XKR9: variants seen among roughly 807,000 people sequenced by gnomAD.
XKR9 encodes the protein XK-related protein 9.
A neutral mutation model predicts 32.0 loss-of-function variants in XKR9; 32 were observed. That is an observed-to-expected ratio of 1.00 (90% CI 0.76 to 1.34). XKR9 has a LOEUF of 1.34. XKR9 is among the 40% of genes most tolerant of loss of function. XKR9 has a pLI of 0.00. For missense variants in XKR9, 546 were observed against 429.7 expected (o/e 1.27, Z -2.39); for synonymous variants, 168 against 143.4 (o/e 1.17, Z -1.22).
At chr8:70,771,651 T>C (rs758846132) in intron 2 of XKR9, among the ~76,000 whole-genome samples, 1 of 152,194 alleles carries the variant, frequency 6.6e-6, no homozygotes, top group Non-Finnish European at 1.5e-5. Flanking sequence ...TGACATTAAT[T>C]GAAGATTGGG....
chr8:70,871,677 C>A, the XKR9 span, among the ~76,000 whole-genome samples: 1 of 152,084 alleles, frequency 6.6e-6, no homozygotes, highest in Non-Finnish European at 1.5e-5. Flanking sequence ...TTCCTGTTCC[C>A]TGAGACACAA....
chr8:70,681,426 CCCT>C, intron 3 of XKR9, 96 bp downstream of exon 3: 1 of 1,407,216 alleles, frequency 7.1e-7, no homozygotes, highest in Non-Finnish European at 9.6e-7. Flanking sequence ...GTACAAAGAT[CCCT>C]TATTTGCATG....
chr8:70,710,536 A>G (rs1011796707), intron 4 of XKR9, among the ~76,000 whole-genome samples: 2 of 152,066 alleles, frequency 1.3e-5, no homozygotes, highest in African/African-American at 2.4e-5. Context: ...CCCCATCTCT[A>G]GTAAACATAG....
At chr8:70,930,314 T>C in the XKR9 span, among the ~76,000 whole-genome samples, 2 of 151,672 alleles carry the variant, frequency 1.3e-5, no homozygotes, top group African/African-American at 4.8e-5. Context: ...TGTGGGGGAG[T>C]AGGAAGGAGA....
chr8:70,940,382 T>G, the XKR9 span, among the ~76,000 whole-genome samples: 1 of 152,084 alleles, frequency 6.6e-6, no homozygotes, highest in African/African-American at 2.4e-5. Context: ...TGGCAAGAAC[T>G]GGGCCTCTGA....
chr8:71,005,753 CA>C, the XKR9 span, among the ~76,000 whole-genome samples: 156 of 152,222 alleles, frequency 1.0e-3, no homozygotes, highest in African/African-American at 3.7e-3. Context: ...TGTATGAGTC[CA>C]GTAGTTCAGC....
At chr8:70,860,136 T>G in the XKR9 span, among the ~76,000 whole-genome samples, 2 of 152,130 alleles carry the variant, frequency 1.3e-5, no homozygotes, top group Non-Finnish European at 2.9e-5. Context: ...AATAACAAAA[T>G]TACCCTGACA....
chr8:70,824,352 A>T, the XKR9 span, among the ~76,000 whole-genome samples: 1 of 152,156 alleles, frequency 6.6e-6, no homozygotes, highest in African/African-American at 2.4e-5. Context: ...GTATAAGTTA[A>T]GGCCTATGTT....
chr8:70,946,882 G>A, the XKR9 span, among the ~76,000 whole-genome samples: 1 of 152,262 alleles, frequency 6.6e-6, no homozygotes, highest in Admixed American at 6.5e-5. Context: ...TCTTGAGAAT[G>A]GGATATGGGA....
intron 4 of XKR9, among the ~76,000 whole-genome samples, chr8:70,721,918 T>C (rs1218815473): frequency 1.3e-5 from 2 of 152,138 alleles, no homozygotes; most frequent in Non-Finnish European, 2.9e-5. Context: ...CCCACTGTTA[T>C]TGTGTGGGAG....
the XKR9 span, among the ~76,000 whole-genome samples, chr8:71,026,003 C>T: frequency 6.6e-6 from 1 of 152,180 alleles, no homozygotes; most frequent in Admixed American, 6.5e-5. Context: ...TAACCATCTC[C>T]TCTCCTCATC....
chr8:70,825,001 G>A, the XKR9 span, among the ~76,000 whole-genome samples: 1 of 152,032 alleles, frequency 6.6e-6, no homozygotes, highest in South Asian at 2.1e-4. Context: ...AGGTTAAAAT[G>A]TTCAGTGTAG....
intron 1 of XKR9, among the ~76,000 whole-genome samples, chr8:70,672,085 G>A (rs1818733602): frequency 3.7e-5 from 2 of 53,834 alleles, no homozygotes; most frequent in African/African-American, 5.4e-5. Context: ...CAAACAAATG[G>A]AAGAACATTC....
At chr8:70,834,159 A>G in the XKR9 span, among the ~76,000 whole-genome samples, 27 of 152,070 alleles carry the variant, frequency 1.8e-4, no homozygotes, top group East Asian at 5.0e-3. Context: ...AATATAATAT[A>G]TAGTGTTTTG....
chr8:70,992,235 A>G, the XKR9 span, among the ~76,000 whole-genome samples: 4 of 152,196 alleles, frequency 2.6e-5, no homozygotes, highest in African/African-American at 9.6e-5. Context: ...ACATTAAGTG[A>G]GTAAAGCATT....
the XKR9 span, among the ~76,000 whole-genome samples, chr8:70,879,464 G>T: frequency 6.6e-6 from 1 of 152,112 alleles, no homozygotes; most frequent in Admixed American, 6.6e-5. Flanking sequence ...AATAAAAAAT[G>T]ATAAAAGGGA....
At chr8:70,717,996 A>G (rs1806148036) in intron 4 of XKR9, among the ~76,000 whole-genome samples, 2 of 152,138 alleles carry the variant, frequency 1.3e-5, no homozygotes. Context: ...CCTTTATTCC[A>G]GTTCCCTCCA....
At chr8:70,856,378 G>A in the XKR9 span, among the ~76,000 whole-genome samples, 3 of 152,252 alleles carry the variant, frequency 2.0e-5, no homozygotes, top group Admixed American at 6.5e-5. Context: ...AAGAGACAAG[G>A]CCATTACATA....
At chr8:70,795,503 T>A in the XKR9 span, among the ~76,000 whole-genome samples, 1 of 152,206 alleles carries the variant, frequency 6.6e-6, no homozygotes, top group East Asian at 1.9e-4. Context: ...TACCCAGTAA[T>A]GGAATTGCTG....
Sources: allele counts gnomAD v4.1 joint callset (sites outside exome capture counted in the v4.1 genomes callset), GRCh38; gene constraint gnomAD v4.1.1; transcripts MANE v1.5; gene names NCBI Gene and HGNC (gene_info 2026-07-23, HGNC 2026-07-21).